ATG9A: variants seen among roughly 807,000 people sequenced by gnomAD.
ATG9A encodes the protein autophagy related 9A, also known as autophagy-related protein 9A.
A neutral mutation model predicts 87.1 loss-of-function variants in ATG9A; 21 were observed. That is an observed-to-expected ratio of 0.24 (90% CI 0.17 to 0.35). The LOEUF (loss-of-function observed/expected upper bound fraction) is 0.35, where lower values mean the gene tolerates loss of function less well. Among genes scored for constraint, ATG9A ranks in the 10% least tolerant of loss-of-function variants. The pLI, the probability that ATG9A is intolerant of heterozygous loss-of-function variation, is 1.00. For synonymous variants in ATG9A, 422 were observed against 441.3 expected (o/e 0.96, Z 0.55); for missense variants, 836 against 1,107.3 (o/e 0.76, Z 3.48).
At position 219,224,872 on chromosome 2, in the gene ATG9A, G is replaced by GA. The variant is rs1950830292; in HGVS notation, c.517-19dup. ...AGGGCAGACTGCGGGGTGGGGTGGG[G>GA]AAGAGACAAGGTACGGAAGGTGGGG... On this transcript the variant is annotated intron_variant, in intron 7 of 15. Coordinates refer to ENST00000361242, the MANE Select transcript of ATG9A (RefSeq NM_001077198.3). This position sits in a 1 kb window ranked among gnomAD's most constrained non-coding sequence, Gnocchi z 7.7. The GA allele has an allele frequency of 1.9e-6, 3 of 1,610,080 alleles. No homozygotes were observed. The highest frequency in any genetic ancestry group is 1.7e-5 in the Admixed American group (1 of 59,952).
At position 219,224,774 on chromosome 2, in the gene ATG9A, G is replaced by C; in HGVS notation, c.597C>G (p.His199Gln). 3 of 1,614,222 alleles carry C rather than the reference G, an allele frequency of 1.9e-6. No individual in the cohort carries two copies. Among genetic ancestry groups the C allele is most frequent in the Non-Finnish European group, 2.5e-6 (3 of 1,180,036 alleles). ...QTQKEHQICI[H>Q]KRELTELDIY... ...TGTCCAGTTCTGTCAGCTCACGTTT[G>C]TGGATGCAGATCTGGTGCTCCTTCT... The change falls in exon 8 of 16, where the codon CAC becomes CAG. Residue 199 changes from histidine (H) to glutamine (Q), a missense_variant. His to Gln is a conservative substitution (Grantham distance 24). This residue lies in a region of ATG9A where 512 missense variants were observed against 759.6 expected (regional missense o/e 0.67). Coordinates refer to ENST00000361242, the MANE Select transcript of ATG9A (RefSeq NM_001077198.3). The surrounding 1 kb of genome is among the most constrained non-coding windows in gnomAD (Gnocchi z 7.7).
chr2:219,220,142 G>A lies in ATG9A; in HGVS notation c.*305C>T, dbSNP rs3755047. On this transcript the variant is annotated 3_prime_UTR_variant, in exon 16 of 16. Transcript: ENST00000361242. ...GGCAGCCCTCTGGGGACTTGCAGGG[G>A]TAGGTGTAAAGGTGGCAGTACTGGG... The A allele has an allele frequency of 0.027, 11,286 of 425,418 alleles. 355 individuals carry two copies. The highest frequency in any genetic ancestry group is 0.11 in the East Asian group (3,073 of 27,900). 26.4% of individuals were successfully genotyped at this position (425,418 alleles called of 1,614,324 possible). A position where few individuals can be genotyped will look rare whatever the true frequency, so the allele number is the denominator to read the frequency against.
Position 219,221,202 on chromosome 2 carries a change from C to A in ATG9A, c.2246G>T (p.Gly749Val). ...GESAPDEGGE[G>V]ARAPQSIPRS... ...AGGGATAGACTGGGGGGCCCGGGCG[C>A]CCTCTCCCCCTTCATCAGGGGCGCT... The change falls in exon 14 of 16, where the codon GGC becomes GTC. Residue 749 changes from glycine (G) to valine (V), a missense_variant. Coordinates refer to ENST00000361242, the MANE Select transcript of ATG9A (RefSeq NM_001077198.3). The A allele has an allele frequency of 6.3e-7, 1 of 1,591,292 alleles. No individual in the cohort carries two copies. The highest frequency in any genetic ancestry group is 8.6e-7 in the Non-Finnish European group (1 of 1,169,314).
At chr2:219,221,653 A>G (rs1237144602) in intron 13 of ATG9A, among the ~76,000 whole-genome samples, 1 of 152,210 alleles carries the variant, frequency 6.6e-6, no homozygotes, top group Non-Finnish European at 1.5e-5. Context: ...ATACTGGTAG[A>G]GGAGATATGG....
chr2:219,220,585 C>A, intron 15 of ATG9A, 133 bp from the exon 16 acceptor site: 5 of 1,500,304 alleles, frequency 3.3e-6, no homozygotes, highest in Non-Finnish European at 4.6e-6. Flanking sequence ...AAAAACCAAG[C>A]CCTGCAGAGC....
In ATG9A at chr2:219,229,483, G is replaced by C. The variant is rs193147100; in HGVS notation, c.-82+52C>G. On this transcript the variant is annotated intron_variant, in intron 1 of 15. Coordinates refer to ENST00000361242, the MANE Select transcript of ATG9A (RefSeq NM_001077198.3). This position sits in a 1 kb window ranked among gnomAD's most constrained non-coding sequence, Gnocchi z 4.2. ...ACTTAGGGCTCCGCAGGCACCCCTG[G>C]GCAAGGCCAGACACGGGGCCTGGGA... The C allele has an allele frequency of 1.0e-4, 16 of 152,696 alleles. No individual in the cohort carries two copies. The highest frequency in any genetic ancestry group is 9.1e-4 in the Admixed American group (14 of 15,302). 9.5% of individuals were successfully genotyped at this position (152,696 alleles called of 1,614,324 possible). A position where few individuals can be genotyped will look rare whatever the true frequency, so the allele number is the denominator to read the frequency against.
rs1950786487 is a variant in ATG9A, at chr2:219,222,659, G to C, written c.1834C>G (p.Gln612Glu). The stretch of plus-strand genomic sequence containing the variant: ...CAGGAACACACCTCAGACTCAGATT[G>C]TAAGGACTGGATAGACGTAAAGAGG... ...NALFTSIQSL[Q>E]SESEPLSLIA... The change falls in exon 11 of 16, where the codon CAA (glutamine) becomes GAA (glutamate). Residue 612 changes from glutamine to glutamate, a missense_variant. Transcript: ENST00000361242. This position sits in a 1 kb window ranked among gnomAD's most constrained non-coding sequence, Gnocchi z 4.3. 1.2e-6 allele frequency: 2 copies of C among 1,614,136 alleles called. No individual in the cohort carries two copies. The highest frequency in any genetic ancestry group is 2.2e-5 in the South Asian group (2 of 91,080).
Position 219,223,881 on chromosome 2 carries a change from G to C in ATG9A, c.1407C>G (p.Phe469Leu). ...CAACTCCACTCACTGCCTTGTACTG[G>C]AAGAGCTGGGCAAACTCGTCCCGGG... ...SQTRDEFAQL[F>L]QYKAVFILEE... Residue 469 changes from phenylalanine (F) to leucine (L), a missense_variant, in exon 9 of 16, where the codon TTC (phenylalanine) becomes TTG (leucine). Physicochemically the swap from Phe to Leu is conservative, Grantham distance 22. This residue lies in a region of ATG9A where 512 missense variants were observed against 759.6 expected (regional missense o/e 0.67). Coordinates refer to ENST00000361242, the MANE Select transcript of ATG9A (RefSeq NM_001077198.3). This position sits in a 1 kb window ranked among gnomAD's most constrained non-coding sequence, Gnocchi z 4.7. 6.2e-7 allele frequency: 1 copy of C among 1,614,172 alleles called. No homozygotes were observed. The highest frequency in any genetic ancestry group is 8.5e-7 in the Non-Finnish European group (1 of 1,180,040).
Position 219,226,298 on chromosome 2 carries a change from C to T in ATG9A, c.212+571G>A, listed in dbSNP as rs554865726. On this transcript the variant is annotated intron_variant, in intron 5 of 15. Coordinates refer to ENST00000361242, the MANE Select transcript of ATG9A (RefSeq NM_001077198.3). ...GCTAATTTTTGTATTTTTAGAGCCT[C>T]CTAAAGTGCTGGGATTACAGGTGTG... Among the ~76,000 whole-genome samples, 17 of 152,234 alleles carry T rather than the reference C, an allele frequency of 1.1e-4. No homozygotes were observed. The East Asian group carries it at 3.1e-3, about 28-fold the overall frequency.
intron 4 of ATG9A, among the ~76,000 whole-genome samples, 182 bp from the exon 5 acceptor site, chr2:219,227,115 G>A (rs1485505697): frequency 6.6e-6 from 1 of 152,224 alleles, no homozygotes; most frequent in South Asian, 2.1e-4. Context: ...AATAACACTT[G>A]TCTCATAGGA....
intron 1 of ATG9A, chr2:219,228,825 A>T (rs1950929739): frequency 6.6e-6 from 1 of 152,232 alleles, no homozygotes; most frequent in African/African-American, 2.4e-5. Context: ...AAACCTCAAG[A>T]GTCTTTCCTG....
rs1950805389 is a variant in ATG9A, at chr2:219,223,482, T to C, written c.1599+103A>G. Reference sequence around the variant, plus strand: ...AAGCAGTGTGCCCCTGGTATAGGACTGCCTTTGTGTGACTCAGGAGAGGTG... The same window carrying C: ...AAGCAGTGTGCCCCTGGTATAGGACCGCCTTTGTGTGACTCAGGAGAGGTG... On this transcript the variant is annotated intron_variant, in intron 10 of 15. Coordinates refer to ENST00000361242, the MANE Select transcript of ATG9A (RefSeq NM_001077198.3). The surrounding 1 kb of genome is among the most constrained non-coding windows in gnomAD (Gnocchi z 4.7). The C allele has an allele frequency of 7.5e-7, 1 of 1,336,518 alleles. No homozygotes were observed. Among genetic ancestry groups the C allele is most frequent in the Non-Finnish European group, 1.0e-6 (1 of 992,130 alleles). The allele number at this position is 1,336,518 out of a possible 1,614,324, so 82.8% of individuals were successfully genotyped here.
At chr2:219,225,352 A>C in intron 6 of ATG9A, 59 bp downstream of exon 6, 1 of 1,601,224 alleles carries the variant, frequency 6.2e-7, no homozygotes, top group South Asian at 1.1e-5. Context: ...ACTCCACTCT[A>C]TTACCCACCT....
chr2:219,227,797 A>T lies in ATG9A; in HGVS notation c.120T>A (p.Ile40=), dbSNP rs180953382. 5.6e-6 allele frequency: 9 copies of T among 1,614,066 alleles called. No individual in the cohort carries two copies. The highest frequency in any genetic ancestry group is 5.9e-6 in the Non-Finnish European group (7 of 1,180,020). Residue 40 remains isoleucine, a synonymous_variant, in exon 4 of 16, where the codon ATT becomes ATA. Coordinates refer to ENST00000361242, the MANE Select transcript of ATG9A (RefSeq NM_001077198.3). The part of the protein sequence containing the change: ...AEGSKSPWHH[I]ENLDLFFSRV... ...GAGAGAAGAAGAGGTCAAGGTTTTC[A>T]ATATGGTGCCAAGGTGCTGTGGGAT...
intron 13 of ATG9A, 59 bp downstream of exon 13, chr2:219,221,991 C>A: frequency 6.7e-7 from 1 of 1,482,542 alleles, no homozygotes; most frequent in South Asian, 1.2e-5. Context: ...GGGTTTGGAA[C>A]CCCGGTCTTG....
chr2:219,225,715 C>T (rs1950847212), intron 5 of ATG9A, 143 bp from the exon 6 acceptor site: 1 of 873,726 alleles, frequency 1.1e-6, no homozygotes, highest in East Asian at 2.7e-5. Context: ...CCTCTCTGCT[C>T]CTCAGCCCCA....
rs1305402048 is a variant in ATG9A at position 219,222,010 on chromosome 2, C to T, written c.2145+40G>A. The T allele has an allele frequency of 2.2e-5, 34 of 1,570,922 alleles. No homozygotes were observed. Among genetic ancestry groups the T allele is most frequent in the Non-Finnish European group, 2.9e-5 (33 of 1,148,650 alleles). On this transcript the variant is annotated intron_variant, in intron 13 of 15. Transcript: ENST00000361242. This position sits in a 1 kb window ranked among gnomAD's most constrained non-coding sequence, Gnocchi z 4.3. ...TTGGAACCCCGGTCTTGCTTCTCCG[C>T]ATCTAAACCCTCTACTCTCTTTTTT...
Position 219,223,802 on chromosome 2 carries a change from G to A in ATG9A, c.1420-38C>T, listed in dbSNP as rs370407820. ...GACCAAGGTCACAAGCGAGCAGGAG[G>A]GAGCCCAGCCCTCACCACCGAGCTA... On this transcript the variant is annotated intron_variant, in intron 9 of 15. Coordinates refer to ENST00000361242, the MANE Select transcript of ATG9A (RefSeq NM_001077198.3). The surrounding 1 kb of genome is among the most constrained non-coding windows in gnomAD (Gnocchi z 4.7). The A allele has an allele frequency of 1.9e-6, 3 of 1,613,670 alleles. No homozygotes were observed. In the African/African-American group the frequency reaches 4.0e-5, roughly 22 times the overall value.
In ATG9A at chr2:219,222,181, C is replaced by G. The variant is rs1470349068; in HGVS notation, c.2028-14G>C. The G allele has an allele frequency of 2.5e-6, 4 of 1,613,182 alleles. No homozygotes were observed. The highest frequency in any genetic ancestry group is 1.7e-6 in the Non-Finnish European group (2 of 1,179,524). ...CTGGCATCCACCCTGTCTCTCCCAA[C>G]AGAGACAGACAGCAGCTGTGAACTT... On this transcript the variant is annotated splice_polypyrimidine_tract_variant and intron_variant, in intron 12 of 15. Transcript: ENST00000361242. The surrounding 1 kb of genome is among the most constrained non-coding windows in gnomAD (Gnocchi z 4.3).
Sources: allele counts gnomAD v4.1 joint callset (sites outside exome capture counted in the v4.1 genomes callset), GRCh38; gene constraint gnomAD v4.1.1; regional missense constraint gnomAD v4.1.1; non-coding constraint Gnocchi (gnomAD v3.1); transcripts MANE v1.5; gene names NCBI Gene and HGNC (gene_info 2026-07-23, HGNC 2026-07-21).